HIBCH: variants seen among roughly 807,000 people sequenced by gnomAD.
The protein encoded by HIBCH is 3-hydroxyisobutyryl-CoA hydrolase, also known as 3-hydroxyisobutyryl-CoA hydrolase, mitochondrial.
In HIBCH, 50 loss-of-function variants were observed where a neutral mutation model predicts 58.2. That is an observed-to-expected ratio of 0.86 (90% CI 0.68 to 1.09). The LOEUF is 1.09. Among genes scored for constraint, HIBCH ranks in the 50% least tolerant of loss-of-function variants. The probability of loss-of-function intolerance (pLI) is 0.00; values close to 1 mark genes in which losing one functional copy is unlikely to be tolerated. For synonymous variants in HIBCH, 151 were observed against 146.9 expected, an observed-to-expected ratio of 1.03 and a Z score of -0.20; for missense variants, 450 against 449.7, an observed-to-expected ratio of 1.00 and a Z score of -0.01.
At chr2:190,308,511 G>A (rs923741595) in intron 2 of HIBCH, among the ~76,000 whole-genome samples, 1 of 152,070 alleles carries the variant, frequency 6.6e-6, no homozygotes, top group Non-Finnish European at 1.5e-5. Context: ...TGAACCAATG[G>A]GTTATTATGG....
At chr2:190,310,025 A>G (rs993746799) in intron 2 of HIBCH, among the ~76,000 whole-genome samples, 6 of 152,178 alleles carry the variant, frequency 3.9e-5, no homozygotes, top group East Asian at 1.9e-4. Context: ...CAGAGTGGCT[A>G]GAATAAAAGC....
chr2:190,278,541 G>T (rs1687620949), intron 6 of HIBCH, among the ~76,000 whole-genome samples: 1 of 152,112 alleles, frequency 6.6e-6, no homozygotes, highest in African/African-American at 2.4e-5. Context: ...AGGTTACTCT[G>T]ATACAAACTA....
chr2:190,310,714 A>T, intron 2 of HIBCH, 40 bp downstream of exon 2: 1 of 1,491,984 alleles, frequency 6.7e-7, no homozygotes, highest in Non-Finnish European at 9.4e-7. Flanking sequence ...TTTAAGTTAC[A>T]CATACAAATA....
chr2:190,268,030 T>C (rs1431056413), intron 6 of HIBCH, among the ~76,000 whole-genome samples: 1 of 152,190 alleles, frequency 6.6e-6, no homozygotes, highest in African/African-American at 2.4e-5. Flanking sequence ...AATATCTGCA[T>C]TTTAAATACT....
intron 11 of HIBCH, among the ~76,000 whole-genome samples, chr2:190,238,699 G>A (rs975298255): frequency 1.1e-4 from 16 of 152,290 alleles, no homozygotes; most frequent in South Asian, 4.1e-4. Flanking sequence ...TCCTGACCTC[G>A]TGATCCGCCC....
At chr2:190,203,374 G>C (rs1690306793), downstream of HIBCH, 1 of 166,964 alleles carries the variant, frequency 6.0e-6, no homozygotes, top group Non-Finnish European at 1.5e-5. Context: ...AGTTTTATTA[G>C]CAAATCCTCT....
intron 1 of HIBCH, among the ~76,000 whole-genome samples, chr2:190,317,997 T>G (rs1316582885): frequency 6.6e-6 from 1 of 151,946 alleles, no homozygotes; most frequent in Non-Finnish European, 1.5e-5. Context: ...CTAATTTTTT[T>G]GTATTTTTAG....
chr2:190,218,667 C>T (rs370195338), intron 11 of HIBCH, among the ~76,000 whole-genome samples: 4 of 152,186 alleles, frequency 2.6e-5, no homozygotes, highest in East Asian at 1.9e-4. Flanking sequence ...GCAACAGTTA[C>T]GCATGCTCTG....
In HIBCH at chr2:190,290,485, A is replaced by T; in HGVS notation, c.305T>A (p.Val102Glu). The change falls in exon 5 of 14, where the codon GTG becomes GAG. Residue 102 changes from valine (V) to glutamate (E), a missense_variant and splice_region_variant. Physicochemically the swap from Val to Glu is moderately radical, Grantham distance 121. Coordinates refer to ENST00000359678, the MANE Select transcript of HIBCH (RefSeq NM_014362.4). Reference sequence around the variant, plus strand: ...TTTTGCCTTTTCAGCTTCCGAGATCACTAGGAAGGAAAGATTACAAATAAA... The same window carrying T: ...TTTTGCCTTTTCAGCTTCCGAGATCTCTAGGAAGGAAAGATTACAAATAAA... ...KAFCAGGDIR[V>E]ISEAEKAKQK... is the part of the protein sequence containing the mutation. 2 of 1,587,388 alleles carry T rather than the reference A, an allele frequency of 1.3e-6. No individual in the cohort carries two copies. The highest frequency in any genetic ancestry group is 1.3e-5 in the African/African-American group (1 of 74,386).
At chr2:190,223,862 T>A (rs1360840182) in intron 11 of HIBCH, among the ~76,000 whole-genome samples, 1 of 152,190 alleles carries the variant, frequency 6.6e-6, no homozygotes, top group Non-Finnish European at 1.5e-5. Flanking sequence ...GATGGGTGAT[T>A]TCTGTATTTC....
Position 190,204,290 on chromosome 2 carries a change from C to A in HIBCH, c.*827G>T, listed in dbSNP as rs571459875. The A allele has an allele frequency of 3.9e-5, 6 of 151,924 alleles. No homozygotes were observed. Among genetic ancestry groups the A allele is most frequent in the African/African-American group, 1.4e-4 (6 of 41,406 alleles). The allele number at this position is 151,924 out of a possible 1,614,324, so 9.4% of individuals were successfully genotyped here. ...GGATAATTATCACACAAAAGTCTTA[C>A]GTAAATTATAAAAAAACAGAGTGTC... On this transcript the variant is annotated 3_prime_UTR_variant, in exon 14 of 14. Transcript: ENST00000359678.
intron 3 of HIBCH, among the ~76,000 whole-genome samples, chr2:190,296,418 G>A (rs144004295): frequency 0.012 from 970 of 78,784 alleles, 12 homozygotes; most frequent in African/African-American, 0.036. Context: ...AGACTCCTCC[G>A]TCTCAAAAAA....
chr2:190,255,999 C>G (rs1205997028), intron 7 of HIBCH, among the ~76,000 whole-genome samples: 1 of 152,096 alleles, frequency 6.6e-6, no homozygotes, highest in Admixed American at 6.5e-5. Flanking sequence ...GAAGGCAAAG[C>G]AAGCTTGGAC....
chr2:190,266,200 A>G (rs558737397), intron 6 of HIBCH, among the ~76,000 whole-genome samples: 70 of 152,352 alleles, frequency 4.6e-4, no homozygotes, highest in African/African-American at 1.6e-3. Flanking sequence ...TCATACACAC[A>G]TGAAATGAAC....
At position 190,315,907 on chromosome 2, in the gene HIBCH, T is replaced by A. The variant is rs1205301637; in HGVS notation, c.35+3809A>T. On this transcript the variant is annotated intron_variant, in intron 1 of 13. Coordinates refer to ENST00000359678, the MANE Select transcript of HIBCH (RefSeq NM_014362.4). This position sits in a 1 kb window ranked among gnomAD's most constrained non-coding sequence, Gnocchi z 5.4. ...CGAAATACAAATTCAATTTTTTGAA[T>A]TTGAATTTGTACTGACATAAGCAGA... 1.3e-5 allele frequency among the ~76,000 whole-genome samples: 2 copies of A among 152,152 alleles called. No homozygotes were observed. Among genetic ancestry groups the A allele is most frequent in the East Asian group, 3.9e-4 (2 of 5,190 alleles).
In HIBCH at chr2:190,209,755, G is replaced by A. The variant is rs1336871493; in HGVS notation, c.1012-842C>T. On this transcript the variant is annotated intron_variant, in intron 12 of 13. Coordinates refer to ENST00000359678, the MANE Select transcript of HIBCH (RefSeq NM_014362.4). This position sits in a 1 kb window ranked among gnomAD's most constrained non-coding sequence, Gnocchi z 5.6. ...CTCAAGGATGGACTTTGCTTGATGT[G>A]GTCATTCACTTTTATTTTCCTAGAA... Among the ~76,000 whole-genome samples, 3 of 152,054 alleles carry A rather than the reference G, an allele frequency of 2.0e-5. No individual in the cohort carries two copies. The highest frequency in any genetic ancestry group is 2.1e-4 in the South Asian group (1 of 4,816).
chr2:190,195,623 G>A (rs544689533), intron 1 of HIBCH, among the ~76,000 whole-genome samples: 1 of 152,250 alleles, frequency 6.6e-6, no homozygotes, highest in African/African-American at 2.4e-5. Context: ...TATTTGTATT[G>A]TTGACTTTTA....
At chr2:190,264,546 C>A (rs1687178202) in intron 6 of HIBCH, among the ~76,000 whole-genome samples, 1 of 152,138 alleles carries the variant, frequency 6.6e-6, no homozygotes, top group Admixed American at 6.6e-5. Flanking sequence ...TAAATAGAAT[C>A]ACAGAATATA....
At chr2:190,226,531 G>A (rs552510100) in intron 11 of HIBCH, among the ~76,000 whole-genome samples, 2 of 148,924 alleles carry the variant, frequency 1.3e-5, no homozygotes, top group Non-Finnish European at 1.5e-5. Context: ...GGAGGTGGAG[G>A]TTGCAGTGAG....
Sources: allele counts gnomAD v4.1 joint callset (sites outside exome capture counted in the v4.1 genomes callset), GRCh38; gene constraint gnomAD v4.1.1; non-coding constraint Gnocchi (gnomAD v3.1); transcripts MANE v1.5; gene names NCBI Gene and HGNC (gene_info 2026-07-23, HGNC 2026-07-21).